Variants in TENM2 observed in about 807,000 individuals in gnomAD.
TENM2 encodes the protein teneurin transmembrane protein 2.
TENM2 carries 52 observed loss-of-function variants against 245.2 expected under a neutral mutation model. That is an observed-to-expected ratio of 0.21 (90% CI 0.17 to 0.27). The LOEUF is 0.27. Ranked by LOEUF, TENM2 falls within the 10% of genes least tolerant of loss-of-function variation. TENM2 has a pLI of 1.00. For missense variants in TENM2, 3,046 were observed against 3,666.8 expected, an observed-to-expected ratio of 0.83 and a Z score of 4.37; for synonymous variants, 1,363 against 1,438.9, an observed-to-expected ratio of 0.95 and a Z score of 1.19.
intron 2 of TENM2, among the ~76,000 whole-genome samples, chr5:167,844,920 C>A (rs1041249499): frequency 6.7e-6 from 1 of 150,222 alleles, no homozygotes; most frequent in Non-Finnish European, 1.5e-5. Flanking sequence ...CTCTTTTAGT[C>A]TTCTCCTAAC....
At chr5:167,000,591 A>T in the TENM2 span, among the ~76,000 whole-genome samples, 3 of 152,142 alleles carry the variant, frequency 2.0e-5, no homozygotes, top group African/African-American at 7.2e-5. Flanking sequence ...TATAGACTTG[A>T]TTTTTGAGTG....
the TENM2 span, among the ~76,000 whole-genome samples, chr5:167,168,841 C>T: frequency 6.6e-6 from 1 of 152,168 alleles, no homozygotes; most frequent in African/African-American, 2.4e-5. Flanking sequence ...CTCACTGCAA[C>T]CTCTGCCTCC....
the TENM2 span, among the ~76,000 whole-genome samples, chr5:167,108,261 G>T: frequency 3.9e-5 from 6 of 152,246 alleles, no homozygotes; most frequent in South Asian, 6.2e-4. Context: ...GAGTAGCTGG[G>T]ATTACAGGAA....
intron 2 of TENM2, among the ~76,000 whole-genome samples, chr5:167,675,665 T>C (rs1302398807): frequency 6.6e-6 from 1 of 152,114 alleles, no homozygotes; most frequent in Non-Finnish European, 1.5e-5. Flanking sequence ...GCTCTGCTAC[T>C]TAAAATTTGG....
intron 2 of TENM2, among the ~76,000 whole-genome samples, chr5:167,868,216 G>C (rs1248021036): frequency 6.6e-6 from 1 of 152,108 alleles, no homozygotes; most frequent in Non-Finnish European, 1.5e-5. Context: ...CCAGAAGCCA[G>C]TAGCACCCCA....
At chr5:166,995,675 G>A in the TENM2 span, among the ~76,000 whole-genome samples, 1 of 151,606 alleles carries the variant, frequency 6.6e-6, no homozygotes. Context: ...AATTAGCCAG[G>A]CGTGGTGGCA....
intron 9 of TENM2, among the ~76,000 whole-genome samples, chr5:168,111,243 A>G (rs756429733): frequency 3.9e-5 from 6 of 152,140 alleles, no homozygotes; most frequent in Non-Finnish European, 5.9e-5. Flanking sequence ...TTTCTTGCTT[A>G]TTAATGTGCC....
chr5:167,347,207 C>T (rs1230911491), intron 1 of TENM2, among the ~76,000 whole-genome samples: 1 of 151,870 alleles, frequency 6.6e-6, no homozygotes. Context: ...CATGCCTGCT[C>T]CTTTGCTCCA....
intron 8 of TENM2, among the ~76,000 whole-genome samples, chr5:168,093,505 T>C (rs17069822): frequency 0.087 from 13,260 of 152,254 alleles, 693 homozygotes; most frequent in East Asian, 0.19. Context: ...CCAGGAGTGC[T>C]GTAAACCCCC....
At chr5:167,546,156 C>T (rs902515832) in intron 2 of TENM2, among the ~76,000 whole-genome samples, 2 of 152,138 alleles carry the variant, frequency 1.3e-5, no homozygotes, top group Admixed American at 1.3e-4. Context: ...GAGGTTTGAA[C>T]TCATTATTCT....
At chr5:168,225,579 G>A (rs1764093579) in intron 23 of TENM2, among the ~76,000 whole-genome samples, 1 of 152,070 alleles carries the variant, frequency 6.6e-6, no homozygotes, top group African/African-American at 2.4e-5. Flanking sequence ...TGGCCAACAT[G>A]GCAAAACCCC....
intron 27 of TENM2, among the ~76,000 whole-genome samples, chr5:168,257,615 ATT>A (rs58911868): frequency 0.36 from 46,537 of 130,462 alleles, 8,162 homozygotes; most frequent in South Asian, 0.49. Context: ...GCAGCTCCTG[ATT>A]TTTTTTTTTT....
intron 1 of TENM2, among the ~76,000 whole-genome samples, chr5:167,327,547 T>C (rs1757161336): frequency 1.3e-5 from 2 of 152,196 alleles, no homozygotes; most frequent in African/African-American, 4.8e-5. Flanking sequence ...AATAAATTGT[T>C]GTTTATAGAA....
At chr5:167,700,949 T>TAAAAA (rs781480259) in intron 2 of TENM2, among the ~76,000 whole-genome samples, 155 of 79,892 alleles carry the variant, frequency 1.9e-3, no homozygotes, top group East Asian at 4.5e-3. Context: ...TTATATTTCT[T>TAAAAA]AAAAAAAAAA....
the TENM2 span, among the ~76,000 whole-genome samples, chr5:167,135,773 G>A: frequency 6.6e-6 from 1 of 152,042 alleles, no homozygotes; most frequent in African/African-American, 2.4e-5. Context: ...TCCAGCATGG[G>A]CAACAGAGCG....
chr5:167,742,937 C>T (rs1761288063), intron 2 of TENM2, among the ~76,000 whole-genome samples: 1 of 151,906 alleles, frequency 6.6e-6, no homozygotes, highest in African/African-American at 2.4e-5. Context: ...CACTGCATTC[C>T]AGCCTGGGTG....
At chr5:167,084,554 C>T in the TENM2 span, among the ~76,000 whole-genome samples, 2 of 151,552 alleles carry the variant, frequency 1.3e-5, no homozygotes, top group Admixed American at 6.6e-5. Flanking sequence ...CATACATTAT[C>T]TCATTTAATT....
chr5:167,747,429 A>T (rs556007704), intron 2 of TENM2, among the ~76,000 whole-genome samples: 1 of 152,186 alleles, frequency 6.6e-6, no homozygotes, highest in Non-Finnish European at 1.5e-5. Context: ...TTGTGATAAC[A>T]TATCTTCCAT....
chr5:167,128,748 C>T, the TENM2 span, among the ~76,000 whole-genome samples: 2 of 152,152 alleles, frequency 1.3e-5, no homozygotes, highest in African/African-American at 2.4e-5. Context: ...GTAATTGTTC[C>T]GTTTGCTTGT....
Sources: allele counts gnomAD v4.1 joint callset (sites outside exome capture counted in the v4.1 genomes callset), GRCh38; gene constraint gnomAD v4.1.1; transcripts MANE v1.5; gene names NCBI Gene and HGNC (gene_info 2026-07-23, HGNC 2026-07-21).